The following GLIPR1L2 variants were observed in gnomAD, a reference collection of about 807,000 sequenced individuals.
GLIPR1L2 encodes GLIPR1 like 2.
A neutral mutation model predicts 28.4 loss-of-function variants in GLIPR1L2; 21 were observed. The ratio of observed to expected loss-of-function variants is 0.74; its 90% CI spans 0.52 to 1.06. The LOEUF (loss-of-function observed/expected upper bound fraction) is 1.06, where lower values mean the gene tolerates loss of function less well. Among genes scored for constraint, GLIPR1L2 ranks in the 50% least tolerant of loss-of-function variants. The pLI is 0.00. For missense variants in GLIPR1L2, 476 were observed against 416.9 expected, an observed-to-expected ratio of 1.14 and a Z score of -1.23; for synonymous variants, 145 against 139.3, an observed-to-expected ratio of 1.04 and a Z score of -0.29.
rs1053191986 is a variant in GLIPR1L2, at chr12:75,402,983, T to A, written c.235-7451T>A. The A allele has an allele frequency of 1.3e-5, 6 of 456,858 alleles. No individual in the cohort carries two copies. The Admixed American group carries it at 1.4e-4, about 11-fold the overall frequency. The allele number at this position is 456,858 out of a possible 1,614,324, so 28.3% of individuals were successfully genotyped here. ...CCCTAAATAAAGTCCTCCACTTTGT[T>A]AACAAGTGTCATGAACAATTTTTCC... On this transcript the variant is annotated intron_variant, in intron 1 of 5. Transcript: ENST00000550916.
At chr12:75,414,626 A>G (rs1167020321) in intron 3 of GLIPR1L2, among the ~76,000 whole-genome samples, 1 of 152,112 alleles carries the variant, frequency 6.6e-6, no homozygotes, top group Admixed American at 6.6e-5. Context: ...AGTTTGGAAT[A>G]TAGAGTTGCA....
chr12:75,412,413 C>T (rs1360461065), intron 2 of GLIPR1L2, among the ~76,000 whole-genome samples: 1 of 151,970 alleles, frequency 6.6e-6, no homozygotes, highest in South Asian at 2.1e-4. Context: ...AGGCAACCTA[C>T]AAAATGGGGG....
At position 75,431,683 on chromosome 12, in the gene GLIPR1L2, G is replaced by A. The variant is rs956316826; in HGVS notation, c.*522G>A. The A allele has an allele frequency of 6.6e-6, 1 of 151,932 alleles. No homozygotes were observed. The highest frequency in any genetic ancestry group is 6.6e-5 in the Admixed American group (1 of 15,262). 9.4% of individuals were successfully genotyped at this position (151,932 alleles called of 1,614,324 possible). On this transcript the variant is annotated 3_prime_UTR_variant, in exon 6 of 6. Transcript: ENST00000550916. ...ATTATTATTTGTCTTTGTGGTTTTT[G>A]GAATAGTTTAAGTGGTACCTGTACA...
intron 1 of GLIPR1L2, among the ~76,000 whole-genome samples, chr12:75,409,617 C>G (rs1228341282): frequency 1.4e-5 from 2 of 145,728 alleles, no homozygotes; most frequent in African/African-American, 5.0e-5. Flanking sequence ...TTCTCTTATT[C>G]TCTAATCTTA....
intron 4 of GLIPR1L2, among the ~76,000 whole-genome samples, chr12:75,428,924 T>A (rs942109228): frequency 2.0e-5 from 3 of 152,198 alleles, no homozygotes; most frequent in Non-Finnish European, 2.9e-5. Flanking sequence ...AGCCTTCACG[T>A]AGATTTCAGA....
chr12:75,425,044 A>G (rs991591450), intron 4 of GLIPR1L2, among the ~76,000 whole-genome samples: 1 of 152,150 alleles, frequency 6.6e-6, no homozygotes, highest in Admixed American at 6.6e-5. Flanking sequence ...TGCTGTCCAC[A>G]TAGAGATGTG....
At chr12:75,430,771 C>T in intron 5 of GLIPR1L2, 30 bp downstream of exon 5, 1 of 1,534,326 alleles carries the variant, frequency 6.5e-7, no homozygotes, top group East Asian at 2.4e-5. Flanking sequence ...ATTTCTTGAA[C>T]AATTGAACTG....
chr12:75,400,717 CA>C (rs2045731315), intron 1 of GLIPR1L2, among the ~76,000 whole-genome samples: 1 of 151,986 alleles, frequency 6.6e-6, no homozygotes, highest in Admixed American at 6.6e-5. Context: ...TTGATAATTT[CA>C]CTGGAGATTA....
intron 4 of GLIPR1L2, 62 bp from the exon 5 acceptor site, chr12:75,430,653 C>A: frequency 7.0e-7 from 1 of 1,428,170 alleles, no homozygotes. Context: ...GGGAGATTAT[C>A]TTATTTTTTA....
intron 1 of GLIPR1L2, among the ~76,000 whole-genome samples, chr12:75,396,668 A>C (rs191170397): frequency 1.8e-4 from 28 of 152,310 alleles, no homozygotes; most frequent in African/African-American, 5.8e-4. Context: ...TATACCAGCA[A>C]CAACAGAATC....
At chr12:75,429,981 G>C (rs946028572) in intron 4 of GLIPR1L2, among the ~76,000 whole-genome samples, 4 of 141,686 alleles carry the variant, frequency 2.8e-5, no homozygotes, top group African/African-American at 1.0e-4. Context: ...CTGTCGCCAG[G>C]CTGGAGTGTA....
At chr12:75,427,632 A>G (rs1478839391) in intron 4 of GLIPR1L2, among the ~76,000 whole-genome samples, 1 of 152,168 alleles carries the variant, frequency 6.6e-6, no homozygotes, top group African/African-American at 2.4e-5. Flanking sequence ...TCTGACCATC[A>G]TATTGTTTAG....
At chr12:75,423,050 G>A (rs1461539849) in intron 4 of GLIPR1L2, 61 bp downstream of exon 4, 4 of 1,601,916 alleles carry the variant, frequency 2.5e-6, no homozygotes, top group African/African-American at 1.3e-5. Flanking sequence ...AAAAATAAGC[G>A]ATTGAACACT....
chr12:75,409,865 C>T (rs1355375438), intron 1 of GLIPR1L2, among the ~76,000 whole-genome samples: 3 of 143,946 alleles, frequency 2.1e-5, no homozygotes, highest in South Asian at 2.2e-4. Flanking sequence ...ATATCTAATC[C>T]GATATATATG....
At chr12:75,429,687 G>T (rs1160258862) in intron 4 of GLIPR1L2, among the ~76,000 whole-genome samples, 2 of 152,072 alleles carry the variant, frequency 1.3e-5, no homozygotes, top group African/African-American at 4.8e-5. Context: ...CTGAGGGAGG[G>T]ACCTGGTGGG....
intron 4 of GLIPR1L2, among the ~76,000 whole-genome samples, chr12:75,428,265 G>T (rs1342257192): frequency 3.3e-5 from 5 of 152,190 alleles, no homozygotes; most frequent in Admixed American, 3.3e-4. Flanking sequence ...CTATGCTTTA[G>T]CAAACAGGCT....
At chr12:75,422,527 C>A (rs557842793) in intron 3 of GLIPR1L2, among the ~76,000 whole-genome samples, 1 of 152,308 alleles carries the variant, frequency 6.6e-6, no homozygotes, top group Non-Finnish European at 1.5e-5. Context: ...TGGTCTCGAT[C>A]TCCTGACATT....
At chr12:75,413,403 A>G (rs935394088) in intron 2 of GLIPR1L2, among the ~76,000 whole-genome samples, 195 bp from the exon 3 acceptor site, 2 of 151,944 alleles carry the variant, frequency 1.3e-5, no homozygotes, top group African/African-American at 2.4e-5. Context: ...CTATTGAAGT[A>G]TTTATCTAAA....
chr12:75,426,690 C>T (rs1374712820), intron 4 of GLIPR1L2, among the ~76,000 whole-genome samples: 1 of 152,174 alleles, frequency 6.6e-6, no homozygotes, highest in Non-Finnish European at 1.5e-5. Context: ...ATTGATGTTC[C>T]CACGTAAAGG....
Sources: allele counts gnomAD v4.1 joint callset (sites outside exome capture counted in the v4.1 genomes callset), GRCh38; gene constraint gnomAD v4.1.1; transcripts MANE v1.5; gene names NCBI Gene and HGNC (gene_info 2026-07-23, HGNC 2026-07-21).